Variants in AGPAT3 observed in about 807,000 individuals in gnomAD.
AGPAT3 encodes the protein 1-acylglycerol-3-phosphate O-acyltransferase 3.
Under a neutral mutation model 47.3 loss-of-function variants are expected in AGPAT3, and 5 were observed. The ratio of observed to expected loss-of-function variants is 0.11; its 90% CI spans 0.06 to 0.22. The LOEUF (loss-of-function observed/expected upper bound fraction) is 0.22, where lower values mean the gene tolerates loss of function less well. Among genes scored for constraint, AGPAT3 ranks in the 10% least tolerant of loss-of-function variants. The pLI is 1.00. For missense variants in AGPAT3, 315 were observed against 493.0 expected (o/e 0.64, Z 3.42); for synonymous variants, 212 against 208.3 (o/e 1.02, Z -0.15).
chr21:43,925,572 C>G (rs1261226359), intron 2 of AGPAT3: 1 of 152,432 alleles, frequency 6.6e-6, no homozygotes, highest in Non-Finnish European at 1.5e-5. Flanking sequence ...GGGTCCTGGT[C>G]TCAGACCCCA....
chr21:43,968,641 G>A (rs1220515930), intron 4 of AGPAT3, among the ~76,000 whole-genome samples: 1 of 152,012 alleles, frequency 6.6e-6, no homozygotes, highest in Admixed American at 6.5e-5. Context: ...TGGTTGAGGG[G>A]CCCTGGCCCG....
chr21:43,901,756 C>G (rs976748489), intron 1 of AGPAT3, among the ~76,000 whole-genome samples: 7 of 152,080 alleles, frequency 4.6e-5, no homozygotes, highest in Non-Finnish European at 8.8e-5. Flanking sequence ...GCCTGGGTGA[C>G]AGCATGAGAC....
At chr21:43,972,101 A>G (rs966016768) in intron 7 of AGPAT3, among the ~76,000 whole-genome samples, 1 of 151,356 alleles carries the variant, frequency 6.6e-6, no homozygotes, top group Non-Finnish European at 1.5e-5. Context: ...GAGGGACCGC[A>G]GTGTCTGAAG....
At chr21:43,929,150 G>T (rs1387432350) in intron 2 of AGPAT3, among the ~76,000 whole-genome samples, 1 of 152,232 alleles carries the variant, frequency 6.6e-6, no homozygotes, top group Non-Finnish European at 1.5e-5. Context: ...CTCCCGTAGT[G>T]GGTGCCTCAT....
At chr21:43,944,777 A>G (rs988208847) in intron 2 of AGPAT3, among the ~76,000 whole-genome samples, 8 of 152,198 alleles carry the variant, frequency 5.3e-5, no homozygotes, top group African/African-American at 1.7e-4. Context: ...GCCCAGGAGG[A>G]GGTCAATACA....
At chr21:43,966,360 G>A (rs560865363) in intron 3 of AGPAT3, 2 of 152,402 alleles carry the variant, frequency 1.3e-5, no homozygotes, top group South Asian at 4.1e-4. Flanking sequence ...ACTTGCCAGG[G>A]GTGAGCCAGC....
chr21:43,919,685 T>C (rs953216775), intron 2 of AGPAT3: 9 of 152,242 alleles, frequency 5.9e-5, no homozygotes, highest in African/African-American at 2.2e-4. Context: ...ATGGTGGATC[T>C]ACTTTTAGTT....
At chr21:43,947,273 G>A (rs775314937) in intron 2 of AGPAT3, among the ~76,000 whole-genome samples, 1 of 152,252 alleles carries the variant, frequency 6.6e-6, no homozygotes, top group Non-Finnish European at 1.5e-5. Flanking sequence ...CCGATTCCCG[G>A]TGAGACAGTA....
intron 2 of AGPAT3, among the ~76,000 whole-genome samples, chr21:43,907,649 G>A (rs1226077243): frequency 5.3e-5 from 8 of 152,112 alleles, no homozygotes; most frequent in Non-Finnish European, 1.0e-4. Context: ...CCCGGGAGGC[G>A]GAGCTTGTGG....
At chr21:43,918,081 GGTGTTGTGGGTGTT>G (rs1396149077) in intron 2 of AGPAT3, among the ~76,000 whole-genome samples, 37 of 147,676 alleles carry the variant, frequency 2.5e-4, no homozygotes, top group South Asian at 8.7e-4. Context: ...GGGTGTTGTG[GGTGTTGTGGGTGTT>G]GTGTTGTGGG....
At chr21:43,973,642 T>C (rs2089486145) in intron 7 of AGPAT3, among the ~76,000 whole-genome samples, 1 of 152,256 alleles carries the variant, frequency 6.6e-6, no homozygotes, top group Non-Finnish European at 1.5e-5. Context: ...AAATACTCGC[T>C]TTGAACTTGT....
Position 43,981,361 on chromosome 21 carries a change from C to T in AGPAT3, c.1042+174C>T, listed in dbSNP as rs2089844387. The T allele has an allele frequency of 1.4e-6, 1 of 724,630 alleles. No homozygotes were observed. Among genetic ancestry groups the T allele is most frequent in the Non-Finnish European group, 2.3e-6 (1 of 440,352 alleles). 44.9% of individuals were successfully genotyped at this position (724,630 alleles called of 1,614,324 possible). On this transcript the variant is annotated intron_variant, in intron 9 of 9. Coordinates refer to ENST00000291572, the MANE Select transcript of AGPAT3 (RefSeq NM_020132.5). This position sits in a 1 kb window ranked among gnomAD's most constrained non-coding sequence, Gnocchi z 5.3. ...GCGGGCCTCAGAGCCTGGATTCTTG[C>T]ACTGAGCTGAGGGTCGCCTCCCCAG...
intron 1 of AGPAT3, among the ~76,000 whole-genome samples, chr21:43,889,382 C>A (rs929588102): frequency 6.6e-6 from 1 of 151,334 alleles, no homozygotes; most frequent in Admixed American, 6.6e-5. Flanking sequence ...TAATCACAAT[C>A]ATGATTGGAT....
At chr21:43,921,079 T>C (rs1054324887) in intron 2 of AGPAT3, among the ~76,000 whole-genome samples, 17 of 152,050 alleles carry the variant, frequency 1.1e-4, no homozygotes, top group Non-Finnish European at 1.6e-4. Context: ...GGCCACTGCA[T>C]TCCAGCCTGG....
chr21:43,889,536 C>T (rs1319168276), intron 1 of AGPAT3, among the ~76,000 whole-genome samples: 1 of 152,132 alleles, frequency 6.6e-6, no homozygotes, highest in Non-Finnish European at 1.5e-5. Context: ...ACAGGCACAC[C>T]TTGGTGATAT....
At position 43,926,636 on chromosome 21, in the gene AGPAT3, C is replaced by CT. The variant is rs557494803; in HGVS notation, c.-49+22646dup. On this transcript the variant is annotated intron_variant, in intron 2 of 9. Transcript: ENST00000291572. ...GGTAGCTTCCGTGAGCTACGCTGGC[C>CT]TTTTTTTTTTTTTTTTTTTTTTTTT... 6.4e-3 allele frequency among the ~76,000 whole-genome samples: 554 copies of CT among 86,502 alleles called. 11 individuals are homozygous for CT. Among genetic ancestry groups the CT allele is most frequent in the Non-Finnish European group, 9.3e-3 (443 of 47,870 alleles). 56.7% of individuals were successfully genotyped at this position (86,502 alleles called of 152,430 possible). A position where few individuals can be genotyped will look rare whatever the true frequency, so the allele number is the denominator to read the frequency against.
At chr21:43,869,459 C>G (rs894357635) in intron 1 of AGPAT3, among the ~76,000 whole-genome samples, 8 of 152,300 alleles carry the variant, frequency 5.3e-5, no homozygotes, top group Non-Finnish European at 1.2e-4. Context: ...CCAAAATAGA[C>G]AGAAGTCAGA....
chr21:43,921,637 C>T (rs1037247959), intron 2 of AGPAT3, among the ~76,000 whole-genome samples: 2 of 152,222 alleles, frequency 1.3e-5, no homozygotes, highest in Non-Finnish European at 2.9e-5. Context: ...GCGGGTGAGA[C>T]TCTGGGCTGC....
At chr21:43,912,695 C>T (rs1030452055) in intron 2 of AGPAT3, among the ~76,000 whole-genome samples, 25 of 152,208 alleles carry the variant, frequency 1.6e-4, no homozygotes, top group Admixed American at 1.0e-3. Flanking sequence ...TATCACTTAT[C>T]GTCAATAGTC....
Sources: allele counts gnomAD v4.1 joint callset (sites outside exome capture counted in the v4.1 genomes callset), GRCh38; gene constraint gnomAD v4.1.1; non-coding constraint Gnocchi (gnomAD v3.1); transcripts MANE v1.5; gene names NCBI Gene and HGNC (gene_info 2026-07-23, HGNC 2026-07-21).